CTNNA2: variants seen among roughly 807,000 people sequenced by gnomAD.
CTNNA2 encodes the protein catenin alpha-2.
In CTNNA2, 42 loss-of-function variants were observed where a neutral mutation model predicts 101.0. That is an observed-to-expected ratio of 0.42 (90% CI 0.32 to 0.54). CTNNA2 has a LOEUF of 0.54. Ranked by LOEUF, CTNNA2 falls within the 20% of genes least tolerant of loss-of-function variation. The pLI, the probability that CTNNA2 is intolerant of heterozygous loss-of-function variation, is 0.14. For synonymous variants in CTNNA2, 450 were observed against 456.4 expected (o/e 0.99, Z 0.18); for missense variants, 871 against 1,223.1 (o/e 0.71, Z 4.29).
At chr2:80,203,803 C>T (rs373279103) in intron 7 of CTNNA2, among the ~76,000 whole-genome samples, 84 of 152,338 alleles carry the variant, frequency 5.5e-4, no homozygotes, top group Middle Eastern at 3.4e-3. Context: ...ATTTCCCTTC[C>T]GCACTGCCTT....
chr2:80,541,904 T>C lies in CTNNA2; in HGVS notation c.1291-3078T>C, dbSNP rs543892787. Among the ~76,000 whole-genome samples, 9 of 150,192 alleles carry C rather than the reference T, an allele frequency of 6.0e-5. No individual in the cohort carries two copies. The East Asian group carries it at 1.8e-3, about 29-fold the overall frequency. On this transcript the variant is annotated intron_variant, in intron 9 of 18. Transcript: ENST00000402739. ...CTTTTTTTCTAAATGTTTTTTAATA[T>C]GGAAAATGCTAAGCATATCCCAAAG... is the stretch of plus-strand genomic sequence containing the variant.
At chr2:79,624,859 T>C (rs1453311870) in intron 1 of CTNNA2, among the ~76,000 whole-genome samples, 2 of 152,070 alleles carry the variant, frequency 1.3e-5, no homozygotes, top group Non-Finnish European at 2.9e-5. Context: ...GGGGAAGGGA[T>C]TTCTGCCCCA....
intron 7 of CTNNA2, among the ~76,000 whole-genome samples, chr2:80,367,929 G>C (rs534106232): frequency 2.6e-5 from 4 of 152,196 alleles, no homozygotes; most frequent in African/African-American, 7.2e-5. Flanking sequence ...GTTTAGATGT[G>C]ACTTTTGGCA....
At chr2:80,044,152 G>C (rs1252693706) in intron 7 of CTNNA2, among the ~76,000 whole-genome samples, 3 of 152,150 alleles carry the variant, frequency 2.0e-5, no homozygotes, top group Admixed American at 2.0e-4. Context: ...TTATAAAATG[G>C]ATAGTAGAAG....
At chr2:80,553,803 AT>A (rs1463626215) in intron 11 of CTNNA2, among the ~76,000 whole-genome samples, 1 of 152,150 alleles carries the variant, frequency 6.6e-6, no homozygotes, top group East Asian at 1.9e-4. Flanking sequence ...AAAGTTTTAC[AT>A]TTAGAATTCT....
At chr2:79,221,936 G>T (rs1262841978) in intron 2 of CTNNA2, among the ~76,000 whole-genome samples, 1 of 152,100 alleles carries the variant, frequency 6.6e-6, no homozygotes, top group African/African-American at 2.4e-5. Flanking sequence ...TATAGGCTGT[G>T]TGGCTATATA....
rs542765415 is a variant in CTNNA2, at chr2:79,353,334, T to A, written c.-317-20497T>A. On this transcript the variant is annotated intron_variant, in intron 3 of 21. Coordinates refer to the CTNNA2 transcript ENST00000466387. ...TCTTGACATTGAGTTCTATTTTTAT[T>A]GCACTGTGGTCAGAAAGTGTGCTTG... Among the ~76,000 whole-genome samples, 6 of 152,342 alleles carry A rather than the reference T, an allele frequency of 3.9e-5. No individual in the cohort carries two copies. The East Asian group carries it at 1.2e-3, about 29-fold the overall frequency.
intron 4 of CTNNA2, among the ~76,000 whole-genome samples, chr2:79,471,220 A>G (rs1334597361): frequency 6.6e-6 from 1 of 152,164 alleles, no homozygotes; most frequent in African/African-American, 2.4e-5. Flanking sequence ...CCATGTGATT[A>G]TTAGCTGTTG....
intron 4 of CTNNA2, among the ~76,000 whole-genome samples, chr2:79,399,480 A>G (rs1416098817): frequency 6.6e-6 from 1 of 152,096 alleles, no homozygotes; most frequent in Non-Finnish European, 1.5e-5. Flanking sequence ...AAAGCATTTA[A>G]GATGTTCTCT....
chr2:80,153,332 C>G (rs912553476), intron 7 of CTNNA2, among the ~76,000 whole-genome samples: 1 of 152,072 alleles, frequency 6.6e-6, no homozygotes, highest in Non-Finnish European at 1.5e-5. Context: ...TGCCTGAGTG[C>G]CATTACTTCA....
At chr2:79,206,763 T>A (rs142826149) in intron 2 of CTNNA2, among the ~76,000 whole-genome samples, 1 of 152,108 alleles carries the variant, frequency 6.6e-6, no homozygotes, top group African/African-American at 2.4e-5. Context: ...ATGGTACCAG[T>A]CTCTTTTAGC....
intron 6 of CTNNA2, among the ~76,000 whole-genome samples, chr2:79,876,870 C>G (rs1683062772): frequency 6.6e-6 from 1 of 152,006 alleles, no homozygotes. Flanking sequence ...TCTCCTCATG[C>G]TGGACAAATA....
At chr2:80,003,201 T>G (rs1042864476) in intron 7 of CTNNA2, among the ~76,000 whole-genome samples, 1 of 152,208 alleles carries the variant, frequency 6.6e-6, no homozygotes, top group Non-Finnish European at 1.5e-5. Context: ...TATTGAGGTT[T>G]CCTCTAACCT....
intron 2 of CTNNA2, among the ~76,000 whole-genome samples, chr2:79,283,078 G>A (rs1304847562): frequency 7.7e-5 from 6 of 77,640 alleles, no homozygotes; most frequent in African/African-American, 2.0e-4. Context: ...GTCTGTTGAT[G>A]TCCTTTGCCC....
intron 7 of CTNNA2, among the ~76,000 whole-genome samples, chr2:79,967,197 T>C (rs1198823381): frequency 1.3e-5 from 2 of 152,152 alleles, no homozygotes; most frequent in Non-Finnish European, 2.9e-5. Context: ...TCAAACTTTA[T>C]ATGTGTAAAC....
intron 2 of CTNNA2, among the ~76,000 whole-genome samples, chr2:79,726,590 C>T (rs546504698): frequency 7.9e-5 from 12 of 152,244 alleles, no homozygotes; most frequent in African/African-American, 1.4e-4. Flanking sequence ...CTCCTCCCTC[C>T]GACACATTCC....
chr2:79,580,035 G>A (rs1236163241), intron 1 of CTNNA2, among the ~76,000 whole-genome samples: 1 of 152,152 alleles, frequency 6.6e-6, no homozygotes, highest in African/African-American at 2.4e-5. Context: ...CCTCTTCACT[G>A]TTTCAGGAAA....
At chr2:79,249,769 A>C (rs1211466930) in intron 2 of CTNNA2, among the ~76,000 whole-genome samples, 3 of 152,146 alleles carry the variant, frequency 2.0e-5, no homozygotes, top group Non-Finnish European at 4.4e-5. Flanking sequence ...CTTCTTGCAT[A>C]GTTTCCAACA....
At chr2:79,274,950 T>C (rs982910969) in intron 2 of CTNNA2, among the ~76,000 whole-genome samples, 1 of 151,998 alleles carries the variant, frequency 6.6e-6, no homozygotes, top group Non-Finnish European at 1.5e-5. Flanking sequence ...ATAAATATGG[T>C]TGAGAAATTG....
Sources: gnomAD v4.1 joint callset for allele counts (sites outside exome capture counted in the v4.1 genomes callset) on GRCh38, gnomAD v4.1.1 for gene constraint, MANE v1.5 for transcripts, NCBI Gene and HGNC (gene_info 2026-07-23, HGNC 2026-07-21) for gene names.